Variants in DLG2 observed in about 807,000 individuals in gnomAD.
DLG2 encodes the protein discs large MAGUK scaffold protein 2.
A neutral mutation model predicts 132.5 loss-of-function variants in DLG2; 45 were observed. That is an observed-to-expected ratio of 0.34 (90% CI 0.27 to 0.44). The LOEUF (loss-of-function observed/expected upper bound fraction) is 0.44. Ranked by LOEUF, DLG2 falls within the 20% of genes least tolerant of loss-of-function variation. The pLI, the probability that DLG2 is intolerant of heterozygous loss-of-function variation, is 1.00. For synonymous variants in DLG2, 424 were observed against 419.6 expected (o/e 1.01, Z -0.13); for missense variants, 1,045 against 1,196.9 (o/e 0.87, Z 1.87).
intron 3 of DLG2, among the ~76,000 whole-genome samples, chr11:85,545,561 T>C (rs2076258614): frequency 6.6e-6 from 1 of 152,202 alleles, no homozygotes; most frequent in African/African-American, 2.4e-5. Context: ...TCAGAAGGAA[T>C]GGTACCAGCT....
At chr11:84,691,085 T>G (rs1471339603) in intron 6 of DLG2, among the ~76,000 whole-genome samples, 1 of 151,860 alleles carries the variant, frequency 6.6e-6, no homozygotes, top group Non-Finnish European at 1.5e-5. Flanking sequence ...TTTTCAAGTG[T>G]ATAAATTTTA....
chr11:84,903,275 A>T (rs2091117126), intron 6 of DLG2, among the ~76,000 whole-genome samples: 1 of 152,200 alleles, frequency 6.6e-6, no homozygotes, highest in Non-Finnish European at 1.5e-5. Context: ...CACAGTAGAC[A>T]TATATGCTAT....
At chr11:85,544,221 T>G (rs1172403892) in intron 3 of DLG2, among the ~76,000 whole-genome samples, 5 of 152,222 alleles carry the variant, frequency 3.3e-5, no homozygotes, top group African/African-American at 1.2e-4. Flanking sequence ...CTAGCCAGTT[T>G]TCCCAAGACC....
At chr11:83,724,312 C>T (rs1370745473) in intron 18 of DLG2, among the ~76,000 whole-genome samples, 1 of 152,164 alleles carries the variant, frequency 6.6e-6, no homozygotes, top group Non-Finnish European at 1.5e-5. Flanking sequence ...GAACTAGGCT[C>T]TCCCGAAGCA....
Position 84,908,814 on chromosome 11 carries a change from A to G in DLG2, c.357+202847T>C, listed in dbSNP as rs536547360. On this transcript the variant is annotated intron_variant, in intron 6 of 27. Transcript: ENST00000376104. ...TTGTTGAAAAACATATGTTGAAAGC[A>G]TATTTCAACATATAAGCACTTATAT... Among the ~76,000 whole-genome samples, 5 of 151,270 alleles carry G rather than the reference A, an allele frequency of 3.3e-5. No homozygotes were observed. The East Asian group carries it at 8.0e-4, about 24-fold the overall frequency.
At chr11:84,180,660 G>C (rs889034286) in intron 8 of DLG2, among the ~76,000 whole-genome samples, 1 of 152,146 alleles carries the variant, frequency 6.6e-6, no homozygotes, top group Middle Eastern at 3.4e-3. Context: ...TTTTTTTAAA[G>C]TCTTGAAAGA....
chr11:84,596,207 T>A (rs1180826253), intron 6 of DLG2, among the ~76,000 whole-genome samples: 1 of 151,324 alleles, frequency 6.6e-6, no homozygotes, highest in Admixed American at 6.6e-5. Context: ...TCTCTCTCTC[T>A]CTCTCTCTCT....
chr11:85,546,510 G>A (rs1323123142), intron 3 of DLG2, among the ~76,000 whole-genome samples: 1 of 152,142 alleles, frequency 6.6e-6, no homozygotes, highest in Non-Finnish European at 1.5e-5. Context: ...TATTAGGTCT[G>A]CTTGGTCCTG....
intron 18 of DLG2, chr11:83,651,599 T>A (rs757886080): frequency 2.4e-5 from 6 of 245,710 alleles, no homozygotes; most frequent in Admixed American, 2.2e-4. Context: ...ATTATCAGTG[T>A]CTGATGATGT....
chr11:85,152,579 C>T (rs1328863164), intron 5 of DLG2, among the ~76,000 whole-genome samples: 2 of 152,116 alleles, frequency 1.3e-5, no homozygotes, highest in Non-Finnish European at 1.5e-5. Flanking sequence ...GCTACCGCAC[C>T]CAGCTCCACA....
At chr11:84,291,843 A>T (rs771474410) in intron 7 of DLG2, among the ~76,000 whole-genome samples, 8 of 152,236 alleles carry the variant, frequency 5.3e-5, no homozygotes, top group Non-Finnish European at 1.2e-4. Flanking sequence ...ATAAATTTCC[A>T]GCCTAGCTCC....
At chr11:84,898,451 C>T (rs1008214323) in intron 6 of DLG2, among the ~76,000 whole-genome samples, 1 of 151,972 alleles carries the variant, frequency 6.6e-6, no homozygotes, top group African/African-American at 2.4e-5. Flanking sequence ...AAGCCTCCTG[C>T]ATTATCTTCA....
chr11:85,144,443 C>G (rs939479563), intron 5 of DLG2, among the ~76,000 whole-genome samples: 1 of 149,414 alleles, frequency 6.7e-6, no homozygotes, highest in Admixed American at 6.7e-5. Flanking sequence ...TAGGTAAGAA[C>G]TTACTCCTCC....
chr11:83,705,175 T>G (rs2083694933), intron 18 of DLG2, among the ~76,000 whole-genome samples: 1 of 152,238 alleles, frequency 6.6e-6, no homozygotes, highest in Non-Finnish European at 1.5e-5. Context: ...CAGCTCTGTT[T>G]CCTCTGCATA....
At position 84,193,884 on chromosome 11, in the gene DLG2, T is replaced by C. The variant is rs565913728; in HGVS notation, c.574-30373A>G. Among the ~76,000 whole-genome samples, 94 of 152,328 alleles carry C rather than the reference T, an allele frequency of 6.2e-4. 2 individuals are homozygous for C. In the South Asian group the frequency reaches 0.017, roughly 28 times the overall value. On this transcript the variant is annotated intron_variant, in intron 8 of 27. Coordinates refer to ENST00000376104, the MANE Select transcript of DLG2 (RefSeq NM_001142699.3). Reference sequence around the variant, plus strand: ...CTCTACCTTTGGGCAAGGGGTGTTGTTGTTTCACTTCCTCAAAATAAGAAT... The same window carrying C: ...CTCTACCTTTGGGCAAGGGGTGTTGCTGTTTCACTTCCTCAAAATAAGAAT...
At chr11:85,105,249 A>T (rs947014109) in intron 6 of DLG2, among the ~76,000 whole-genome samples, 2 of 151,898 alleles carry the variant, frequency 1.3e-5, no homozygotes, top group African/African-American at 4.8e-5. Context: ...CCCCTCCATA[A>T]ATACTGTGGG....
At chr11:83,653,974 C>T (rs971990274) in intron 18 of DLG2, among the ~76,000 whole-genome samples, 1 of 152,184 alleles carries the variant, frequency 6.6e-6, no homozygotes, top group African/African-American at 2.4e-5. Flanking sequence ...CCTGCCTCTA[C>T]CTCCCAAAGT....
chr11:83,513,707 G>T (rs544403582), intron 21 of DLG2, among the ~76,000 whole-genome samples: 39 of 152,132 alleles, frequency 2.6e-4, no homozygotes, highest in African/African-American at 8.9e-4. Flanking sequence ...ATTTTTGTAT[G>T]AGGTGTAAGG....
chr11:84,802,728 T>A (rs577450160), intron 6 of DLG2, among the ~76,000 whole-genome samples: 1 of 151,894 alleles, frequency 6.6e-6, no homozygotes, highest in East Asian at 1.9e-4. Flanking sequence ...GCAGAGGAAT[T>A]GTTCTGTGTT....
Sources: allele counts gnomAD v4.1 joint callset (sites outside exome capture counted in the v4.1 genomes callset), GRCh38; gene constraint gnomAD v4.1.1; transcripts MANE v1.5; gene names NCBI Gene and HGNC (gene_info 2026-07-23, HGNC 2026-07-21).